Variants in MTUS2 observed in about 807,000 individuals in gnomAD.
MTUS2 encodes microtubule-associated tumor suppressor candidate 2.
A neutral mutation model predicts 114.1 loss-of-function variants in MTUS2; 40 were observed. The ratio of observed to expected loss-of-function variants is 0.35; its 90% CI spans 0.27 to 0.46. The LOEUF (loss-of-function observed/expected upper bound fraction) is 0.46. Among genes scored for constraint, MTUS2 ranks in the 20% least tolerant of loss-of-function variants. The pLI, the probability that MTUS2 is intolerant of heterozygous loss-of-function variation, is 1.00. For synonymous variants in MTUS2, 688 were observed against 672.0 expected, an observed-to-expected ratio of 1.02 and a Z score of -0.37; for missense variants, 1,679 against 1,705.4, an observed-to-expected ratio of 0.98 and a Z score of 0.27.
chr13:29,350,673 T>C (rs950498347), intron 7 of MTUS2, among the ~76,000 whole-genome samples: 1 of 151,952 alleles, frequency 6.6e-6, no homozygotes, highest in Non-Finnish European at 1.5e-5. Context: ...ATACCATAGA[T>C]TGGGTGACTT....
At chr13:28,927,754 A>T (rs1426953027) in intron 2 of MTUS2, among the ~76,000 whole-genome samples, 1 of 152,240 alleles carries the variant, frequency 6.6e-6, no homozygotes, top group African/African-American at 2.4e-5. Flanking sequence ...CTTCACAGAA[A>T]TAGAAAATAC....
intron 14 of MTUS2, among the ~76,000 whole-genome samples, chr13:29,500,077 G>T (rs1882789899): frequency 6.6e-6 from 1 of 152,040 alleles, no homozygotes; most frequent in South Asian, 2.1e-4. Flanking sequence ...CTCCTGGCTT[G>T]GCCATTTGCA....
intron 8 of MTUS2, among the ~76,000 whole-genome samples, chr13:29,406,124 C>A (rs933921488): frequency 2.0e-5 from 3 of 152,188 alleles, no homozygotes; most frequent in Admixed American, 1.3e-4. Flanking sequence ...CAGATAGAGG[C>A]ATAGCCTGCT....
Position 29,037,456 on chromosome 13 carries a change from T to TTTCAACC in MTUS2, c.2446+3334_2446+3340dup, listed in dbSNP as rs1254957882. 2.0e-5 allele frequency among the ~76,000 whole-genome samples: 3 copies of TTTCAACC among 152,204 alleles called. No individual in the cohort carries two copies. The East Asian group carries it at 5.8e-4, about 29-fold the overall frequency. On this transcript the variant is annotated intron_variant, in intron 4 of 15. Coordinates refer to ENST00000612955, the MANE Select transcript of MTUS2 (RefSeq NM_001033602.4). ...TCTGCCCTTAACATTTTTTCCTTCA[T>TTTCAACC]TTCAACCTTGGTGAATCATATAATT... is the stretch of plus-strand genomic sequence containing the variant.
chr13:29,227,258 CAAAAAA>C (rs10680419), intron 5 of MTUS2, among the ~76,000 whole-genome samples: 1 of 120,646 alleles, frequency 8.3e-6, no homozygotes, highest in South Asian at 2.6e-4. Context: ...GACTCCGTCT[CAAAAAA>C]AAAAAAAAAA....
intron 4 of MTUS2, among the ~76,000 whole-genome samples, chr13:29,036,512 A>G (rs1307054098): frequency 1.3e-5 from 2 of 152,182 alleles, no homozygotes; most frequent in African/African-American, 4.8e-5. Context: ...AGTTCTGTAG[A>G]TGTCTATTAA....
At chr13:29,001,269 G>A (rs987405670) in intron 2 of MTUS2, among the ~76,000 whole-genome samples, 1 of 152,094 alleles carries the variant, frequency 6.6e-6, no homozygotes, top group African/African-American at 2.4e-5. Flanking sequence ...CTGGCTATAG[G>A]GTTCATCATA....
At chr13:29,251,631 C>G (rs570625865) in intron 5 of MTUS2, among the ~76,000 whole-genome samples, 1 of 152,288 alleles carries the variant, frequency 6.6e-6, no homozygotes, top group East Asian at 1.9e-4. Context: ...TCTCTATGAA[C>G]TGCTATTCTA....
chr13:29,375,164 CAG>C (rs1302143082), intron 8 of MTUS2, among the ~76,000 whole-genome samples: 1 of 151,848 alleles, frequency 6.6e-6, no homozygotes, highest in African/African-American at 2.4e-5. Flanking sequence ...GTGGAAATGA[CAG>C]AGAAAAAAGT....
chr13:29,069,840 A>AT lies in MTUS2; in HGVS notation c.2447-30925dup, dbSNP rs200775703. Reference sequence around the variant, plus strand: ...GTAAAGATGAGGATGAATAATTTGGATTTTTTTTGTCCTGTTACTTTTGAC... The same window carrying AT: ...GTAAAGATGAGGATGAATAATTTGGATTTTTTTTTGTCCTGTTACTTTTGAC... On this transcript the variant is annotated intron_variant, in intron 4 of 15. Transcript: ENST00000612955. Among the ~76,000 whole-genome samples the AT allele has an allele frequency of 5.4e-4, 82 of 152,118 alleles. No individual in the cohort carries two copies. In the East Asian group the frequency reaches 0.012, roughly 22 times the overall value.
chr13:29,495,886 CTCTCTTTT>C (rs1882519795), intron 12 of MTUS2, among the ~76,000 whole-genome samples: 1 of 151,848 alleles, frequency 6.6e-6, no homozygotes, highest in East Asian at 1.9e-4. Flanking sequence ...CTGTCTTTGT[CTCTCTTTT>C]TCTCTCTCTC....
intron 8 of MTUS2, among the ~76,000 whole-genome samples, chr13:29,386,811 A>G (rs1872658562): frequency 6.6e-6 from 1 of 152,222 alleles, no homozygotes; most frequent in Non-Finnish European, 1.5e-5. Context: ...GAAATGCATG[A>G]TGGCTCCTCC....
At chr13:29,211,986 A>G (rs549477393) in intron 5 of MTUS2, among the ~76,000 whole-genome samples, 23 of 151,722 alleles carry the variant, frequency 1.5e-4, no homozygotes, top group African/African-American at 4.1e-4. Flanking sequence ...CTCACTTTCT[A>G]ATTTCTATTC....
intron 7 of MTUS2, among the ~76,000 whole-genome samples, chr13:29,356,883 G>A (rs1869785287): frequency 6.6e-6 from 1 of 152,192 alleles, no homozygotes; most frequent in Admixed American, 6.5e-5. Flanking sequence ...ACCAGGATTG[G>A]TTTCACAAGG....
At chr13:29,471,504 C>T (rs973597512) in intron 9 of MTUS2, among the ~76,000 whole-genome samples, 1 of 152,148 alleles carries the variant, frequency 6.6e-6, no homozygotes, top group Non-Finnish European at 1.5e-5. Flanking sequence ...GTTGGCCTGC[C>T]TATCTGAACA....
At chr13:29,328,174 T>G (rs967210045) in intron 7 of MTUS2, among the ~76,000 whole-genome samples, 11 of 146,182 alleles carry the variant, frequency 7.5e-5, no homozygotes, top group African/African-American at 2.7e-4. Flanking sequence ...TTTACAAAAA[T>G]AGTATTCATT....
At chr13:29,301,621 G>A (rs1382659156) in intron 6 of MTUS2, among the ~76,000 whole-genome samples, 3 of 152,192 alleles carry the variant, frequency 2.0e-5, no homozygotes, top group African/African-American at 4.8e-5. Flanking sequence ...ACTAATTGCT[G>A]TGTGACCCTG....
At chr13:29,042,574 C>T (rs1388786893) in intron 4 of MTUS2, among the ~76,000 whole-genome samples, 3 of 152,080 alleles carry the variant, frequency 2.0e-5, no homozygotes, top group African/African-American at 7.2e-5. Context: ...TCATAGAATT[C>T]AACTGTGAAC....
At chr13:28,960,086 A>G (rs1231538262) in intron 2 of MTUS2, among the ~76,000 whole-genome samples, 1 of 152,258 alleles carries the variant, frequency 6.6e-6, no homozygotes, top group Non-Finnish European at 1.5e-5. Context: ...ACTATCTGAC[A>G]AAGATTTTAA....
Sources: gnomAD v4.1 joint callset for allele counts (sites outside exome capture counted in the v4.1 genomes callset) on GRCh38, gnomAD v4.1.1 for gene constraint, MANE v1.5 for transcripts, NCBI Gene and HGNC (gene_info 2026-07-23, HGNC 2026-07-21) for gene names.